SLC10A7: variants seen among roughly 807,000 people sequenced by gnomAD.
The protein encoded by SLC10A7 is sodium/bile acid cotransporter 7.
SLC10A7 carries 29 observed loss-of-function variants against 43.2 expected under a neutral mutation model. The ratio of observed to expected loss-of-function variants is 0.67; its 90% CI spans 0.50 to 0.92. The LOEUF (loss-of-function observed/expected upper bound fraction) is 0.92, where lower values mean the gene tolerates loss of function less well. Among genes scored for constraint, SLC10A7 ranks in the 40% least tolerant of loss-of-function variants. The pLI is 0.00. For missense variants in SLC10A7, 295 were observed against 403.2 expected (o/e 0.73, Z 2.30); for synonymous variants, 152 against 144.8 (o/e 1.05, Z -0.35).
chr4:146,317,953 T>C (rs987667590), intron 6 of SLC10A7, among the ~76,000 whole-genome samples: 34 of 152,108 alleles, frequency 2.2e-4, no homozygotes, highest in African/African-American at 7.7e-4. Context: ...GCTCCATAAT[T>C]GCATGAGTCA....
chr4:146,506,563 G>A (rs1736920186), intron 3 of SLC10A7, among the ~76,000 whole-genome samples: 1 of 152,012 alleles, frequency 6.6e-6, no homozygotes, highest in Non-Finnish European at 1.5e-5. Flanking sequence ...CCCTCTACTA[G>A]TAATAGTAAC....
chr4:146,382,158 A>T (rs1452474691), intron 5 of SLC10A7, among the ~76,000 whole-genome samples: 1 of 152,184 alleles, frequency 6.6e-6, no homozygotes, highest in African/African-American at 2.4e-5. Context: ...TTATCATCAT[A>T]CGGAGATTAT....
chr4:146,442,398 T>C (rs1195515325), intron 5 of SLC10A7: 20 of 1,004,736 alleles, frequency 2.0e-5, no homozygotes, highest in Non-Finnish European at 2.4e-5. Context: ...ACAAGTAAAT[T>C]AGCATTCCCT....
intron 5 of SLC10A7, among the ~76,000 whole-genome samples, chr4:146,422,873 G>A (rs1213736290): frequency 2.6e-5 from 4 of 151,890 alleles, no homozygotes; most frequent in Admixed American, 1.3e-4. Context: ...CTTCCCAACC[G>A]CCCATATTTT....
intron 4 of SLC10A7, 49 bp from the exon 5 acceptor site, chr4:146,442,870 A>G: frequency 7.9e-7 from 1 of 1,267,194 alleles, no homozygotes; most frequent in Non-Finnish European, 1.1e-6. Context: ...AGTAAATAAG[A>G]ATAATAAAGC....
At chr4:146,309,992 C>T (rs1306917299) in intron 6 of SLC10A7, among the ~76,000 whole-genome samples, 1 of 152,078 alleles carries the variant, frequency 6.6e-6, no homozygotes, top group Non-Finnish European at 1.5e-5. Flanking sequence ...CTCTATTAGT[C>T]CCCAGTGTCT....
chr4:146,319,285 A>G (rs1732534767), intron 6 of SLC10A7, among the ~76,000 whole-genome samples: 1 of 152,022 alleles, frequency 6.6e-6, no homozygotes, highest in East Asian at 1.9e-4. Context: ...GTATACTCCC[A>G]GGACCTTTGC....
intron 5 of SLC10A7, among the ~76,000 whole-genome samples, chr4:146,329,750 T>C (rs1329534259): frequency 6.6e-6 from 1 of 152,182 alleles, no homozygotes; most frequent in African/African-American, 2.4e-5. Context: ...TAGAGTCAAG[T>C]TTTTGCAAAT....
intron 4 of SLC10A7, among the ~76,000 whole-genome samples, chr4:146,493,463 G>A (rs1735627805): frequency 6.6e-6 from 1 of 151,290 alleles, no homozygotes; most frequent in Non-Finnish European, 1.5e-5. Flanking sequence ...TCCAGCCTGG[G>A]CAACAGTGCG....
intron 5 of SLC10A7, among the ~76,000 whole-genome samples, chr4:146,405,009 T>TA (rs893917711): frequency 2.0e-5 from 3 of 152,176 alleles, no homozygotes; most frequent in South Asian, 2.1e-4. Flanking sequence ...GAGAACATGA[T>TA]AAAAAACAAG....
intron 4 of SLC10A7, among the ~76,000 whole-genome samples, chr4:146,451,231 C>CAAAAAAAAAAAAAAAA (rs572993886): frequency 2.4e-4 from 17 of 71,688 alleles, no homozygotes; most frequent in Non-Finnish European, 2.7e-4. Flanking sequence ...AGTCTCCCAC[C>CAAAAAAAAAAAAAAAA]AAAAAAAAAA....
chr4:146,418,980 T>C (rs140408974), intron 5 of SLC10A7, among the ~76,000 whole-genome samples: 9 of 152,260 alleles, frequency 5.9e-5, no homozygotes, highest in Non-Finnish European at 1.2e-4. Context: ...TGATAAAGGA[T>C]ATTACAAAGA....
intron 1 of SLC10A7, among the ~76,000 whole-genome samples, chr4:146,520,634 T>C (rs1352032609): frequency 6.6e-6 from 1 of 152,152 alleles, no homozygotes; most frequent in African/African-American, 2.4e-5. Flanking sequence ...AAGATAAAAA[T>C]AACTTCAAAT....
At chr4:146,361,075 CT>C (rs1394693003) in intron 5 of SLC10A7, among the ~76,000 whole-genome samples, 4 of 152,044 alleles carry the variant, frequency 2.6e-5, no homozygotes, top group Non-Finnish European at 5.9e-5. Flanking sequence ...GGATTAAAGT[CT>C]TTAACATATA....
chr4:146,261,700 A>G (rs973539978), intron 10 of SLC10A7, among the ~76,000 whole-genome samples: 2 of 152,214 alleles, frequency 1.3e-5, no homozygotes, highest in African/African-American at 2.4e-5. Flanking sequence ...TGCCTGCAAT[A>G]TCTTCTTGCT....
At chr4:146,454,969 T>C (rs866684532) in intron 4 of SLC10A7, among the ~76,000 whole-genome samples, 2 of 152,020 alleles carry the variant, frequency 1.3e-5, no homozygotes, top group Middle Eastern at 6.8e-3. Flanking sequence ...GAATGAAACT[T>C]ACTTAAAATG....
At chr4:146,345,527 A>G (rs1578941305) in intron 5 of SLC10A7, among the ~76,000 whole-genome samples, 1 of 152,096 alleles carries the variant, frequency 6.6e-6, no homozygotes, top group East Asian at 1.9e-4. Context: ...ACCGGGCTAT[A>G]TTCACTTTCA....
chr4:146,441,613 A>C lies in SLC10A7; in HGVS notation c.435+1170T>G, dbSNP rs145840299. The C allele has an allele frequency of 4.2e-4, 353 of 831,810 alleles. 2 individuals are homozygous for C. In the East Asian group the frequency reaches 0.016, roughly 37 times the overall value. The allele number at this position is 831,810 out of a possible 1,614,324, so 51.5% of individuals were successfully genotyped here. A position where few individuals can be genotyped will look rare whatever the true frequency, so the allele number is the denominator to read the frequency against. On this transcript the variant is annotated intron_variant, in intron 5 of 11. Coordinates refer to ENST00000335472, the MANE Select transcript of SLC10A7 (RefSeq NM_001029998.6). The stretch of plus-strand genomic sequence containing the variant: ...GTATAGAATAATACTTGGACTCATG[A>C]AATAATGACTTAAAATATTACTGAG...
chr4:146,372,930 A>G (rs1410588269), intron 5 of SLC10A7, among the ~76,000 whole-genome samples: 1 of 152,220 alleles, frequency 6.6e-6, no homozygotes, highest in Non-Finnish European at 1.5e-5. Context: ...TACTACTAGG[A>G]CAATTTAAAT....
Sources: allele counts gnomAD v4.1 joint callset (sites outside exome capture counted in the v4.1 genomes callset), GRCh38; gene constraint gnomAD v4.1.1; transcripts MANE v1.5; gene names NCBI Gene and HGNC (gene_info 2026-07-23, HGNC 2026-07-21).